Variants in OSBPL6 observed in about 807,000 individuals in gnomAD.
OSBPL6 encodes the protein oxysterol-binding protein-related protein 6.
Under a neutral mutation model 125.8 loss-of-function variants are expected in OSBPL6, and 49 were observed. The observed-to-expected ratio is 0.39, with a 90% CI of 0.31 to 0.49. The LOEUF (loss-of-function observed/expected upper bound fraction) is 0.49. Ranked by LOEUF, OSBPL6 falls within the 20% of genes least tolerant of loss-of-function variation. The pLI, the probability that OSBPL6 is intolerant of heterozygous loss-of-function variation, is 0.88. For missense variants in OSBPL6, 986 were observed against 1,135.4 expected, an observed-to-expected ratio of 0.87 and a Z score of 1.89; for synonymous variants, 394 against 391.8, an observed-to-expected ratio of 1.01 and a Z score of -0.07.
chr2:178,365,944 G>A (rs1025997818), intron 13 of OSBPL6, among the ~76,000 whole-genome samples: 4 of 152,122 alleles, frequency 2.6e-5, no homozygotes, highest in African/African-American at 9.7e-5. Flanking sequence ...TGTTTGGAGT[G>A]AGGTGACACA....
At chr2:178,320,199 A>G (rs982330194) in intron 3 of OSBPL6, 1 of 1,480,194 alleles carries the variant, frequency 6.8e-7, no homozygotes, top group Non-Finnish European at 9.0e-7. Flanking sequence ...CTGTTTACCT[A>G]TGTCTTTGAT....
intron 3 of OSBPL6, among the ~76,000 whole-genome samples, chr2:178,314,085 C>G (rs1174372186): frequency 6.6e-6 from 1 of 152,246 alleles, no homozygotes; most frequent in African/African-American, 2.4e-5. Flanking sequence ...TCTCCTCCGA[C>G]TGAGCCTCTG....
At chr2:178,274,263 C>G (rs1388284394) in intron 1 of OSBPL6, among the ~76,000 whole-genome samples, 2 of 151,134 alleles carry the variant, frequency 1.3e-5, no homozygotes, top group Non-Finnish European at 2.9e-5. Context: ...CTCTGGCTAA[C>G]TAACTCAGTT....
chr2:178,389,305 A>C (rs1378618067), intron 21 of OSBPL6, 152 bp downstream of exon 21: 1 of 799,892 alleles, frequency 1.3e-6, no homozygotes, highest in Non-Finnish European at 1.8e-6. Context: ...ACAAACTGAT[A>C]GAGTTTCTCA....
At chr2:178,251,606 TG>T (rs1387030558) in intron 1 of OSBPL6, among the ~76,000 whole-genome samples, 2 of 152,272 alleles carry the variant, frequency 1.3e-5, no homozygotes, top group African/African-American at 2.4e-5. Context: ...CCAAGGCACC[TG>T]TGTTAGGGAT....
intron 1 of OSBPL6, among the ~76,000 whole-genome samples, chr2:178,266,984 G>A (rs572719469): frequency 6.6e-6 from 1 of 152,244 alleles, no homozygotes; most frequent in East Asian, 1.9e-4. Flanking sequence ...GTGTCAGTGG[G>A]GTCTTGAGCA....
chr2:178,382,916 G>A, intron 16 of OSBPL6, 108 bp from the exon 17 acceptor site: 2 of 1,487,538 alleles, frequency 1.3e-6, no homozygotes, highest in Non-Finnish European at 9.0e-7. Flanking sequence ...ATATAATGAA[G>A]ACTCATGAAA....
In OSBPL6 at chr2:178,361,702, G is replaced by T. The variant is rs768072185; in HGVS notation, c.1174G>T (p.Ala392Ser). The change falls in exon 13 of 25, where the codon GCA (alanine) becomes TCA (serine). Residue 392 changes from alanine to serine, a missense_variant. Transcript: ENST00000190611. ...CCCAGTGCATTCTCTTTTGAAGTCTGCATTTAATAGCATAGCTATAGAGAA... is the reference window on the plus strand; with the variant it reads ...CCCAGTGCATTCTCTTTTGAAGTCTTCATTTAATAGCATAGCTATAGAGAA... ...AQKVHSLLKS[A>S]FNSIAIEKEK... 3 of 1,614,060 alleles carry T rather than the reference G, an allele frequency of 1.9e-6. No homozygotes were observed. The highest frequency in any genetic ancestry group is 2.5e-6 in the Non-Finnish European group (3 of 1,179,952).
chr2:178,208,766 G>GTCCTTCCATCCTTCCTTCCTCTCTTCTT (rs2089684699), intron 1 of OSBPL6, among the ~76,000 whole-genome samples: 2 of 124,388 alleles, frequency 1.6e-5, no homozygotes, highest in African/African-American at 5.9e-5. Context: ...CCCTCCTTCT[G>GTCCTTCCATCCTTCCTTCCTCTCTTCTT]TCCTTCCATC....
chr2:178,386,259 G>A (rs1694925082), intron 19 of OSBPL6, among the ~76,000 whole-genome samples: 1 of 152,092 alleles, frequency 6.6e-6, no homozygotes, highest in South Asian at 2.1e-4. Flanking sequence ...CCAAGAATCA[G>A]GCATCTTGTG....
In OSBPL6 at chr2:178,369,915, T is replaced by C. The variant is rs186350677; in HGVS notation, c.1288-2211T>C. 3.3e-5 allele frequency among the ~76,000 whole-genome samples: 5 copies of C among 152,278 alleles called. No individual in the cohort carries two copies. The East Asian group carries it at 9.7e-4, about 29-fold the overall frequency. ...ACACTCTCACAGTGGCAACAGAAGGTATAGCTACTTTGGAGGAACCATTAT... is the reference window on the plus strand; with the variant it reads ...ACACTCTCACAGTGGCAACAGAAGGCATAGCTACTTTGGAGGAACCATTAT... On this transcript the variant is annotated intron_variant, in intron 13 of 24. Transcript: ENST00000190611.
chr2:178,328,591 G>T (rs955888352), intron 5 of OSBPL6, among the ~76,000 whole-genome samples: 1 of 152,114 alleles, frequency 6.6e-6, no homozygotes, highest in Non-Finnish European at 1.5e-5. Context: ...AGGTTCAAGC[G>T]ATTCTTCCAC....
intron 11 of OSBPL6, among the ~76,000 whole-genome samples, chr2:178,341,810 C>A (rs1158324066): frequency 3.3e-5 from 5 of 152,148 alleles, no homozygotes; most frequent in Non-Finnish European, 5.9e-5. Context: ...TATCTGTGGA[C>A]CTTTTCTGCT....
intron 1 of OSBPL6, among the ~76,000 whole-genome samples, chr2:178,214,703 C>T (rs2090013270): frequency 6.6e-6 from 1 of 152,122 alleles, no homozygotes; most frequent in Admixed American, 6.5e-5. Context: ...CCCAGCTACT[C>T]GGGAGGCTGA....
intron 12 of OSBPL6, among the ~76,000 whole-genome samples, chr2:178,357,592 T>G (rs961951737): frequency 6.6e-6 from 1 of 152,208 alleles, no homozygotes; most frequent in Non-Finnish European, 1.5e-5. Context: ...CAGCAGGTTC[T>G]GGAGAGGATG....
chr2:178,310,481 G>A (rs945028445), intron 3 of OSBPL6, among the ~76,000 whole-genome samples: 2 of 140,938 alleles, frequency 1.4e-5, no homozygotes, highest in African/African-American at 2.6e-5. Context: ...GCAGTGGCGC[G>A]ATCTCGGCTC....
rs1695982029 is a variant in OSBPL6 at position 178,398,482 on chromosome 2, C to T, written c.*2923C>T. 6.6e-6 allele frequency: 1 copy of T among 152,180 alleles called. No homozygotes were observed. Among genetic ancestry groups the T allele is most frequent in the Non-Finnish European group, 1.5e-5 (1 of 68,044 alleles). 9.4% of individuals were successfully genotyped at this position (152,180 alleles called of 1,614,324 possible). On this transcript the variant is annotated 3_prime_UTR_variant, in exon 25 of 25. Coordinates refer to ENST00000190611, the MANE Select transcript of OSBPL6 (RefSeq NM_032523.4). The stretch of plus-strand genomic sequence containing the variant: ...CACTGGTAGAGGCTGACCAGAAGCT[C>T]ATCGATTCCATATGCTGTCACCCAG...
chr2:178,320,543 C>A, intron 3 of OSBPL6: 1 of 838,988 alleles, frequency 1.2e-6, no homozygotes, highest in South Asian at 1.8e-5. Flanking sequence ...ATTTAACTTG[C>A]TTACATAATG....
At chr2:178,239,645 C>T (rs74574317) in intron 1 of OSBPL6, among the ~76,000 whole-genome samples, 2 of 138,070 alleles carry the variant, frequency 1.4e-5, no homozygotes, top group East Asian at 2.1e-4. Context: ...TATTTATTTG[C>T]GATGGAGTCT....
Sources: gnomAD v4.1 joint callset for allele counts (sites outside exome capture counted in the v4.1 genomes callset) on GRCh38, gnomAD v4.1.1 for gene constraint, MANE v1.5 for transcripts, NCBI Gene and HGNC (gene_info 2026-07-23, HGNC 2026-07-21) for gene names.